SFMBT1: variants seen among roughly 807,000 people sequenced by gnomAD.
SFMBT1 encodes the protein scm-like with four MBT domains protein 1.
SFMBT1 carries 32 observed loss-of-function variants against 108.7 expected under a neutral mutation model. The observed-to-expected ratio is 0.29, with a 90% CI of 0.22 to 0.40. The LOEUF is 0.40. Ranked by LOEUF, SFMBT1 falls within the 10% of genes least tolerant of loss-of-function variation. SFMBT1 has a pLI of 1.00. For synonymous variants in SFMBT1, 348 were observed against 369.5 expected (o/e 0.94, Z 0.67); for missense variants, 816 against 1,059.6 (o/e 0.77, Z 3.19).
At chr3:52,908,229 A>AAAAAG (rs1174812861) in intron 17 of SFMBT1, among the ~76,000 whole-genome samples, 21 of 151,862 alleles carry the variant, frequency 1.4e-4, no homozygotes, top group African/African-American at 4.1e-4. Context: ...ACACACCACC[A>AAAAAG]TGCCCGGCTA....
chr3:52,973,656 A>T lies in SFMBT1; in HGVS notation c.-130-4398T>A, dbSNP rs147957251. On this transcript the variant is annotated intron_variant, in intron 1 of 20. Coordinates refer to ENST00000394752, the MANE Select transcript of SFMBT1 (RefSeq NM_016329.4). Reference sequence around the variant, plus strand: ...ATCTTGGTGGGGTTTTTTTACACACAGTATCACTGTGTTGCCCAGGCTGGA... The same window carrying T: ...ATCTTGGTGGGGTTTTTTTACACACTGTATCACTGTGTTGCCCAGGCTGGA... Among the ~76,000 whole-genome samples the T allele has an allele frequency of 7.5e-3, 1,142 of 152,188 alleles. 12 individuals carry two copies. Among genetic ancestry groups the T allele is most frequent in the African/African-American group, 0.026 (1,066 of 41,524 alleles).
At chr3:53,021,602 T>C (rs1699308282) in intron 1 of SFMBT1, among the ~76,000 whole-genome samples, 1 of 152,170 alleles carries the variant, frequency 6.6e-6, no homozygotes. Flanking sequence ...GCTAACAGTG[T>C]CTCCATAAGT....
At chr3:52,924,965 A>T (rs1439624537) in intron 10 of SFMBT1, among the ~76,000 whole-genome samples, 6 of 152,182 alleles carry the variant, frequency 3.9e-5, no homozygotes, top group African/African-American at 1.4e-4. Context: ...TCATACCTGT[A>T]ATCCCAGCAC....
At chr3:52,937,093 A>G (rs1703033898) in intron 4 of SFMBT1, among the ~76,000 whole-genome samples, 1 of 151,866 alleles carries the variant, frequency 6.6e-6, no homozygotes, top group Non-Finnish European at 1.5e-5. Flanking sequence ...CGCCTGCCTC[A>G]GCCTCCCAAA....
At chr3:52,927,833 G>C (rs1342038799) in intron 9 of SFMBT1, among the ~76,000 whole-genome samples, 1 of 152,078 alleles carries the variant, frequency 6.6e-6, no homozygotes, top group East Asian at 1.9e-4. Flanking sequence ...CCAGCCCCCA[G>C]TGCTTGCTGT....
At chr3:52,935,827 C>A (rs1455667774) in intron 4 of SFMBT1, among the ~76,000 whole-genome samples, 2 of 152,150 alleles carry the variant, frequency 1.3e-5, no homozygotes, top group African/African-American at 4.8e-5. Context: ...TAGGTTTCTT[C>A]TCCTTCCTCC....
chr3:53,003,207 G>T (rs1023794588), intron 1 of SFMBT1, among the ~76,000 whole-genome samples: 1 of 134,386 alleles, frequency 7.4e-6, no homozygotes, highest in African/African-American at 2.7e-5. Flanking sequence ...AATTTCAAAA[G>T]AAAAACTCTC....
chr3:53,025,537 G>A (rs28719645), intron 1 of SFMBT1, among the ~76,000 whole-genome samples: 14,539 of 151,962 alleles, frequency 0.096, 1,927 homozygotes, highest in African/African-American at 0.29. Flanking sequence ...GGTCACTTGC[G>A]CCCAGGAGGT....
chr3:52,964,707 T>C (rs1412093684), intron 2 of SFMBT1, among the ~76,000 whole-genome samples: 1 of 152,028 alleles, frequency 6.6e-6, no homozygotes, highest in African/African-American at 2.4e-5. Context: ...GCAGGATATG[T>C]TCAGGAGGTA....
chr3:53,022,425 G>A (rs1363496602), intron 1 of SFMBT1, among the ~76,000 whole-genome samples: 1 of 148,928 alleles, frequency 6.7e-6, no homozygotes, highest in African/African-American at 2.5e-5. Context: ...ACTCCAGCCT[G>A]GGCGACAGGG....
intron 2 of SFMBT1, among the ~76,000 whole-genome samples, chr3:52,968,090 A>G (rs1295093757): frequency 6.6e-6 from 1 of 152,252 alleles, no homozygotes; most frequent in Non-Finnish European, 1.5e-5. Context: ...CAGTACATTC[A>G]TGACTGCTCC....
intron 1 of SFMBT1, among the ~76,000 whole-genome samples, chr3:53,016,122 T>G (rs1486765504): frequency 2.6e-5 from 4 of 151,196 alleles, no homozygotes; most frequent in Non-Finnish European, 5.9e-5. Flanking sequence ...TTCTAACATT[T>G]AGAAAATAAT....
chr3:52,994,990 T>A (rs56384586), intron 1 of SFMBT1, among the ~76,000 whole-genome samples: 1 of 143,960 alleles, frequency 6.9e-6, no homozygotes. Context: ...AAAAAATCTA[T>A]TCACTGTAGC....
intron 20 of SFMBT1, among the ~76,000 whole-genome samples, chr3:52,905,846 G>C (rs1025675556): frequency 6.6e-6 from 1 of 152,122 alleles, no homozygotes; most frequent in Non-Finnish European, 1.5e-5. Flanking sequence ...AAAAGATGTG[G>C]ACAATTAAGC....
intron 15 of SFMBT1, among the ~76,000 whole-genome samples, chr3:52,912,854 C>T (rs1220077701): frequency 1.3e-5 from 2 of 152,178 alleles, no homozygotes; most frequent in East Asian, 1.9e-4. Flanking sequence ...TCCTTTTCAA[C>T]ATTTTTTAAA....
intron 1 of SFMBT1, among the ~76,000 whole-genome samples, chr3:52,992,753 A>G (rs987430003): frequency 6.6e-6 from 1 of 152,244 alleles, no homozygotes; most frequent in Non-Finnish European, 1.5e-5. Flanking sequence ...CAATAAATAT[A>G]CATTCCCATG....
chr3:52,996,508 C>A (rs1056081871), intron 1 of SFMBT1, among the ~76,000 whole-genome samples: 4 of 149,962 alleles, frequency 2.7e-5, no homozygotes, highest in Admixed American at 6.7e-5. Flanking sequence ...GCACCACACC[C>A]GGACAATAAT....
chr3:53,027,821 C>T (rs2106952596), intron 1 of SFMBT1, among the ~76,000 whole-genome samples: 1 of 152,286 alleles, frequency 6.6e-6, no homozygotes, highest in East Asian at 1.9e-4. Context: ...GCCTTTAAGC[C>T]ATTGTTTCTT....
At chr3:52,997,876 A>T (rs1217831426) in intron 1 of SFMBT1, among the ~76,000 whole-genome samples, 1 of 150,698 alleles carries the variant, frequency 6.6e-6, no homozygotes, top group Non-Finnish European at 1.5e-5. Context: ...TGCTTCAATA[A>T]AACATTGTTT....
Sources: allele counts gnomAD v4.1 joint callset (sites outside exome capture counted in the v4.1 genomes callset), GRCh38; gene constraint gnomAD v4.1.1; transcripts MANE v1.5; gene names NCBI Gene and HGNC (gene_info 2026-07-23, HGNC 2026-07-21).